The following SLC5A9 variants were observed in gnomAD, a reference collection of about 807,000 sequenced individuals.
SLC5A9 encodes the protein solute carrier family 5 member 9.
SLC5A9 carries 59 observed loss-of-function variants against 70.9 expected under a neutral mutation model. That is an observed-to-expected ratio of 0.83 (90% CI 0.68 to 1.03). SLC5A9 has a LOEUF of 1.03. Ranked by LOEUF, SLC5A9 falls within the 50% of genes least tolerant of loss-of-function variation. SLC5A9 has a pLI of 0.00. For synonymous variants in SLC5A9, 340 were observed against 346.5 expected, an observed-to-expected ratio of 0.98 and a Z score of 0.21; for missense variants, 832 against 881.1, an observed-to-expected ratio of 0.94 and a Z score of 0.71.
chr1:48,228,827 C>A, intron 2 of SLC5A9, 23 bp from the exon 3 acceptor site: 1 of 1,613,314 alleles, frequency 6.2e-7, no homozygotes, highest in South Asian at 1.1e-5. Context: ...ACTCCTGACC[C>A]TTGACCCAAC....
chr1:48,226,425 G>A (rs1282702254), intron 2 of SLC5A9, among the ~76,000 whole-genome samples: 1 of 152,064 alleles, frequency 6.6e-6, no homozygotes, highest in Non-Finnish European at 1.5e-5. Context: ...TTCCCACTGC[G>A]CCCCAAACAC....
rs551310863 is a variant in SLC5A9 at position 48,233,567 on chromosome 1, A to G, written c.1034-88A>G. The G allele has an allele frequency of 1.0e-4, 99 of 977,612 alleles. No individual in the cohort carries two copies. The Admixed American group carries it at 1.9e-3, about 19-fold the overall frequency. The allele number at this position is 977,612 out of a possible 1,614,324, so 60.6% of individuals were successfully genotyped here. A position where few individuals can be genotyped will look rare whatever the true frequency, so the allele number is the denominator to read the frequency against. ...GTCCCTGTCAGAGTCTCCAGTGAAC[A>G]TTATCCTGTAGTTTTGGAAAGCAAA... is the stretch of plus-strand genomic sequence containing the variant. On this transcript the variant is annotated intron_variant, in intron 8 of 13. Coordinates refer to ENST00000438567, the MANE Select transcript of SLC5A9 (RefSeq NM_001011547.3).
chr1:48,240,750 T>A (rs1015371882), intron 12 of SLC5A9, among the ~76,000 whole-genome samples: 1 of 152,172 alleles, frequency 6.6e-6, no homozygotes, highest in Non-Finnish European at 1.5e-5. Context: ...TCCTGCTGCC[T>A]CCCTCTCCTC....
Position 48,222,831 on chromosome 1 carries a change from G to T in SLC5A9, c.95G>T (p.Gly32Val), listed in dbSNP as rs1644090618. 2.5e-6 allele frequency: 4 copies of T among 1,614,192 alleles called. No individual in the cohort carries two copies. Among genetic ancestry groups the T allele is most frequent in the Non-Finnish European group, 3.4e-6 (4 of 1,180,032 alleles). The part of the protein sequence containing the change: ...APHIALDSRV[G>V]LHAYDISVVV... ...CACATAGCACTGGACTCCAGAGTTG[G>T]TCTGCACGCCTACGACATCAGCGTG... is the stretch of plus-strand genomic sequence containing the variant. The change falls in exon 1 of 14, where the codon GGT becomes GTT. Residue 32 changes from glycine (G) to valine (V), a missense_variant. Transcript: ENST00000438567.
At chr1:48,235,264 A>G (rs187874514) in intron 9 of SLC5A9, among the ~76,000 whole-genome samples, 17 of 152,346 alleles carry the variant, frequency 1.1e-4, no homozygotes, top group Non-Finnish European at 1.5e-5. Flanking sequence ...CTTTAGCCCA[A>G]CACCACCATG....
chr1:48,241,525 C>A (rs1036737621), intron 12 of SLC5A9, among the ~76,000 whole-genome samples: 33 of 152,130 alleles, frequency 2.2e-4, no homozygotes, highest in African/African-American at 7.7e-4. Context: ...TCCAACATCA[C>A]TGATATAAGG....
rs17104309 is a variant in SLC5A9 at position 48,242,414 on chromosome 1, T to G, written c.1678-43T>G. The G allele has an allele frequency of 3.3e-3, 5,019 of 1,543,762 alleles. 148 individuals are homozygous for G. The African/African-American group carries it at 0.061, about 19-fold the overall frequency. On this transcript the variant is annotated intron_variant, in intron 12 of 13. Transcript: ENST00000438567. Reference sequence around the variant, plus strand: ...GGCCTCTGTTCTTCTACAGCATGACTTCTCTCCAAGGCAACTGACTCCAGT... The same window carrying G: ...GGCCTCTGTTCTTCTACAGCATGACGTCTCTCCAAGGCAACTGACTCCAGT...
At chr1:48,240,456 C>G (rs962266658) in intron 12 of SLC5A9, 2 of 152,188 alleles carry the variant, frequency 1.3e-5, no homozygotes, top group Non-Finnish European at 2.9e-5. Context: ...ATAACAGAGC[C>G]CATGCTGGAA....
chr1:48,226,854 G>A (rs1228529188), intron 2 of SLC5A9, among the ~76,000 whole-genome samples: 1 of 152,124 alleles, frequency 6.6e-6, no homozygotes, highest in African/African-American at 2.4e-5. Context: ...TTCTTCCCCT[G>A]AAGTAGGAGG....
intron 2 of SLC5A9, among the ~76,000 whole-genome samples, chr1:48,225,008 C>G (rs530934416): frequency 6.6e-6 from 1 of 151,198 alleles, no homozygotes; most frequent in Non-Finnish European, 1.5e-5. Context: ...CATCCCCTGG[C>G]CCCTCCTAGG....
chr1:48,229,373 T>C lies in SLC5A9; in HGVS notation c.418T>C (p.Tyr140His). The C allele has an allele frequency of 1.9e-6, 3 of 1,614,196 alleles. No individual in the cohort carries two copies. The highest frequency in any genetic ancestry group is 2.5e-6 in the Non-Finnish European group (3 of 1,180,036). Residue 140 changes from tyrosine to histidine, a missense_variant, in exon 4 of 14, where the codon TAT becomes CAT. Tyr to His is a moderately conservative substitution (Grantham distance 83). Coordinates refer to ENST00000438567, the MANE Select transcript of SLC5A9 (RefSeq NM_001011547.3). ...AGCAGGTGTGGTCACAATGCCGCAG[T>C]ATCTGAAGAAGCGATTTGGGGGCCA... ...IAAGVVTMPQ[Y>H]LKKRFGGQRI...
At chr1:48,223,984 G>A (rs2148559457) in intron 1 of SLC5A9, among the ~76,000 whole-genome samples, 1 of 152,284 alleles carries the variant, frequency 6.6e-6, no homozygotes, top group Non-Finnish European at 1.5e-5. Flanking sequence ...CAAGCACAAG[G>A]CCCCACACAT....
chr1:48,232,231 T>A, intron 7 of SLC5A9, 80 bp downstream of exon 7: 1 of 1,559,936 alleles, frequency 6.4e-7, no homozygotes, highest in Non-Finnish European at 8.7e-7. Flanking sequence ...CCTGGATGCA[T>A]AGAGGGTTGG....
In SLC5A9 at chr1:48,227,228, G is replaced by GTGTGC. The variant is rs1491554493; in HGVS notation, c.235-1622_235-1621insTGTGC. 0.013 allele frequency among the ~76,000 whole-genome samples: 1,949 copies of GTGTGC among 144,414 alleles called. 97 individuals are homozygous for GTGTGC. In the East Asian group the frequency reaches 0.15, roughly 11 times the overall value. The allele number at this position is 144,414 out of a possible 152,430, so 94.7% of individuals were successfully genotyped here. A position where few individuals can be genotyped will look rare whatever the true frequency, so the allele number is the denominator to read the frequency against. ...TGAGTGCATGTGTGTGTGCATGTGT[G>GTGTGC]AGTGTGTGTGTACTGTGCCTGTGTG... On this transcript the variant is annotated intron_variant, in intron 2 of 13. Transcript: ENST00000438567.
At chr1:48,237,483 A>G (rs1644342219) in intron 10 of SLC5A9, among the ~76,000 whole-genome samples, 196 bp from the exon 11 acceptor site, 1 of 152,164 alleles carries the variant, frequency 6.6e-6, no homozygotes, top group Admixed American at 6.5e-5. Flanking sequence ...CTTCAGTTCC[A>G]AAATTCCTAT....
At chr1:48,224,838 A>G in intron 2 of SLC5A9, 43 bp downstream of exon 2, 1 of 1,572,404 alleles carries the variant, frequency 6.4e-7, no homozygotes, top group Non-Finnish European at 8.8e-7. Flanking sequence ...AGAGGCTCCC[A>G]ACTTTCTTCC....
intron 4 of SLC5A9, chr1:48,229,664 C>G (rs1032638610): frequency 1.5e-6 from 1 of 665,486 alleles, no homozygotes; most frequent in Non-Finnish European, 2.4e-6. Context: ...GAGTGAATGA[C>G]AGCCCCTACA....
intron 5 of SLC5A9, among the ~76,000 whole-genome samples, chr1:48,231,341 C>A (rs537617992): frequency 1.2e-3 from 183 of 152,318 alleles, no homozygotes; most frequent in African/African-American, 3.9e-3. Context: ...GGGGCCCCAG[C>A]ACCTTTGACT....
At chr1:48,224,648 G>A in intron 1 of SLC5A9, 76 bp from the exon 2 acceptor site, 1 of 1,487,304 alleles carries the variant, frequency 6.7e-7, no homozygotes, top group African/African-American at 1.4e-5. Flanking sequence ...CGAGGGGAAG[G>A]AAATCTGCGG....
Sources: allele counts gnomAD v4.1 joint callset (sites outside exome capture counted in the v4.1 genomes callset), GRCh38; gene constraint gnomAD v4.1.1; transcripts MANE v1.5; gene names NCBI Gene and HGNC (gene_info 2026-07-23, HGNC 2026-07-21).